The following PLEKHG4 variants were observed in gnomAD, a reference collection of about 807,000 sequenced individuals.
The protein encoded by PLEKHG4 is pleckstrin homology and RhoGEF domain containing G4.
A neutral mutation model predicts 136.9 loss-of-function variants in PLEKHG4; 85 were observed. That is an observed-to-expected ratio of 0.62 (90% CI 0.52 to 0.74). The LOEUF (loss-of-function observed/expected upper bound fraction) is 0.74. Among genes scored for constraint, PLEKHG4 ranks in the 30% least tolerant of loss-of-function variants. The pLI is 0.00. For synonymous variants in PLEKHG4, 577 were observed against 646.9 expected (o/e 0.89, Z 1.64); for missense variants, 1,317 against 1,527.8 (o/e 0.86, Z 2.30).
At position 67,286,820 on chromosome 16, in the gene PLEKHG4, C is replaced by T. The variant is rs201806432; in HGVS notation, c.2826C>T (p.Ser942=). 412 of 1,613,746 alleles carry T rather than the reference C, an allele frequency of 2.6e-4. No individual in the cohort carries two copies. Among genetic ancestry groups the T allele is most frequent in the South Asian group, 8.1e-4 (74 of 91,082 alleles). Residue 942 remains serine, a synonymous_variant, in exon 17 of 22, where the codon TCC becomes TCT. Coordinates refer to ENST00000379344, the MANE Select transcript of PLEKHG4 (RefSeq NM_001129729.3). ...EFVVRTGRHK[S]VRRIFLFEEL... is the part of the protein sequence containing the mutation. ...TGGTGCGCACTGGGCGCCACAAGTC[C>T]GTGCGCCGCATCTTCCTTTTTGAGG... is the stretch of plus-strand genomic sequence containing the variant.
intron 14 of PLEKHG4, among the ~76,000 whole-genome samples, chr16:67,285,812 G>A (rs2036443183): frequency 6.6e-6 from 1 of 152,216 alleles, no homozygotes; most frequent in African/African-American, 2.4e-5. Flanking sequence ...CCTGAGTGCG[G>A]TGCCAGGACA....
In PLEKHG4 at chr16:67,287,048, T is replaced by G; in HGVS notation, c.2974T>G (p.Phe992Val). 1.2e-6 allele frequency: 2 copies of G among 1,613,532 alleles called. No homozygotes were observed. The highest frequency in any genetic ancestry group is 8.5e-7 in the Non-Finnish European group (1 of 1,180,026). ...TECCGNSNLR[F>V]EIWFRRRKAR... ...GTGCTGTGGGAACAGCAACCTGCGC[T>G]TCGAGATCTGGTTCCGCCGCCGCAA... The change falls in exon 18 of 22, where the codon TTC becomes GTC. Residue 992 changes from phenylalanine to valine, a missense_variant. Physicochemically the swap from Phe to Val is conservative, Grantham distance 50 (BLOSUM62 -1). Coordinates refer to ENST00000379344, the MANE Select transcript of PLEKHG4 (RefSeq NM_001129729.3).
chr16:67,284,483 AG>A lies in PLEKHG4; in HGVS notation c.1692+27del. The A allele has an allele frequency of 6.2e-7, 1 of 1,611,256 alleles. No individual in the cohort carries two copies. Among genetic ancestry groups the A allele is most frequent in the Non-Finnish European group, 8.5e-7 (1 of 1,177,882 alleles). On this transcript the variant is annotated intron_variant, in intron 12 of 21. Coordinates refer to ENST00000379344, the MANE Select transcript of PLEKHG4 (RefSeq NM_001129729.3). This position sits in a 1 kb window ranked among gnomAD's most constrained non-coding sequence, Gnocchi z 4.4. ...GTGGGTGAGAGTCTCCCCAGCTCCAAGTGATCCATGAGGCCGGAGGGATGGC... is the reference window on the plus strand; with the variant it reads ...GTGGGTGAGAGTCTCCCCAGCTCCAATGATCCATGAGGCCGGAGGGATGGC...
Position 67,284,575 on chromosome 16 carries a change from A to G in PLEKHG4, c.1692+118A>G. The G allele has an allele frequency of 6.8e-7, 1 of 1,465,716 alleles. No individual in the cohort carries two copies. Among genetic ancestry groups the G allele is most frequent in the African/African-American group, 1.4e-5 (1 of 71,938 alleles). The allele number at this position is 1,465,716 out of a possible 1,614,324, so 90.8% of individuals were successfully genotyped here. A position where few individuals can be genotyped will look rare whatever the true frequency, so the allele number is the denominator to read the frequency against. ...CTGCCTGTTCTCTTCCCTGGTCTTC[A>G]GTTTGACCCTAAAACCCAGTCACTG... On this transcript the variant is annotated intron_variant, in intron 12 of 21. Transcript: ENST00000379344. The surrounding 1 kb of genome is among the most constrained non-coding windows in gnomAD (Gnocchi z 4.4).
intron 5 of PLEKHG4, 141 bp from the exon 6 acceptor site, chr16:67,281,426 T>C (rs761580321): frequency 5.7e-5 from 44 of 768,590 alleles, no homozygotes; most frequent in Non-Finnish European, 8.8e-5. Flanking sequence ...GGTTTCACCA[T>C]GTGTTGCCCA....
rs915308265 is a variant in PLEKHG4 at position 67,285,180 on chromosome 16, T to A, written c.2160T>A (p.Pro720=). 6.2e-7 allele frequency: 1 copy of A among 1,613,432 alleles called. No individual in the cohort carries two copies. The highest frequency in any genetic ancestry group is 1.3e-5 in the African/African-American group (1 of 74,926). ...GALPQASPTV[P]PPGSSDPRSL... ...TGCCCCAGGCATCCCCTACTGTGCCTCCACCAGGCAGCTCTGACCCCAGGA... is the reference window on the plus strand; with the variant it reads ...TGCCCCAGGCATCCCCTACTGTGCCACCACCAGGCAGCTCTGACCCCAGGA... Residue 720 remains proline (P), a synonymous_variant, in exon 13 of 22, where the codon CCT becomes CCA. Coordinates refer to ENST00000379344, the MANE Select transcript of PLEKHG4 (RefSeq NM_001129729.3).
Position 67,288,381 on chromosome 16 carries a change from G to A in PLEKHG4, c.3435G>A (p.Leu1145=), listed in dbSNP as rs1318990859. ...EEAALEAEAE[L]GGQPSLTAED... Reference sequence around the variant, plus strand: ...CAGCACTGGAGGCTGAGGCAGAGCTGGGCGGCCAGCCCTCTTTGAGTATGT... The same window carrying A: ...CAGCACTGGAGGCTGAGGCAGAGCTAGGCGGCCAGCCCTCTTTGAGTATGT... The change falls in exon 20 of 22, where the codon CTG becomes CTA. Residue 1145 remains leucine, a synonymous_variant. Transcript: ENST00000379344. 2.5e-6 allele frequency: 4 copies of A among 1,611,682 alleles called. No homozygotes were observed. Among genetic ancestry groups the A allele is most frequent in the Non-Finnish European group, 3.4e-6 (4 of 1,179,952 alleles).
Position 67,286,580 on chromosome 16 carries a change from G to T in PLEKHG4, c.2668G>T (p.Ala890Ser), listed in dbSNP as rs373669040. The T allele has an allele frequency of 1.9e-6, 3 of 1,560,576 alleles. No individual in the cohort carries two copies. The African/African-American group carries it at 4.1e-5, about 21-fold the overall frequency. Residue 890 changes from alanine (A) to serine (S), a missense_variant, in exon 16 of 22, where the codon GCG (alanine) becomes TCG (serine). Physicochemically the swap from Ala to Ser is moderately conservative, Grantham distance 99. Coordinates refer to ENST00000379344, the MANE Select transcript of PLEKHG4 (RefSeq NM_001129729.3). ...ACGGPTQELS[A>S]LREAQSLVHF... ...CGGGGGCCCCACGCAGGAGCTCAGT[G>T]CGCTGCGGGAGGCCCAGAGCCTTGT...
chr16:67,281,479 G>C, intron 5 of PLEKHG4, 88 bp from the exon 6 acceptor site: 1 of 1,108,242 alleles, frequency 9.0e-7, no homozygotes. Flanking sequence ...CTCCCGCCTC[G>C]CCTCCCAGAG....
Position 67,284,648 on chromosome 16 carries a change from G to A in PLEKHG4, c.1693-65G>A, listed in dbSNP as rs2036379907. The A allele has an allele frequency of 6.3e-7, 1 of 1,589,914 alleles. No individual in the cohort carries two copies. On this transcript the variant is annotated intron_variant, in intron 12 of 21. Coordinates refer to ENST00000379344, the MANE Select transcript of PLEKHG4 (RefSeq NM_001129729.3). The surrounding 1 kb of genome is among the most constrained non-coding windows in gnomAD (Gnocchi z 4.4). Reference sequence around the variant, plus strand: ...CTGTGGGGATGGGGAGTGGGTAGAGGAGCAGAGTGCCCAGCAGGCTTGGCA... The same window carrying A: ...CTGTGGGGATGGGGAGTGGGTAGAGAAGCAGAGTGCCCAGCAGGCTTGGCA...
At position 67,279,988 on chromosome 16, in the gene PLEKHG4, A is replaced by T; in HGVS notation, c.-57A>T. ...CTCGACTGTCTTCAGCGCGGTTCAC[A>T]CTGAGACCCAGCCCTCTCCCGCTGG... On this transcript the variant is annotated 5_prime_UTR_variant, in exon 2 of 22. Coordinates refer to ENST00000379344, the MANE Select transcript of PLEKHG4 (RefSeq NM_001129729.3). 7 of 1,576,368 alleles carry T rather than the reference A, an allele frequency of 4.4e-6. No individual in the cohort carries two copies.
At position 67,288,294 on chromosome 16, in the gene PLEKHG4, G is replaced by GTAC. The variant is rs1226496636; in HGVS notation, c.3349_3351dup (p.Tyr1117dup). 3 of 1,612,978 alleles carry GTAC rather than the reference G, an allele frequency of 1.9e-6. No individual in the cohort carries two copies. The highest frequency in any genetic ancestry group is 1.7e-6 in the Non-Finnish European group (2 of 1,179,980). Reference sequence around the variant, plus strand: ...TTCTGGGGTCCCTCAACCTGCACCTGTACAGAGACCCAGCTCTTCTGGGTC... The same window carrying GTAC: ...TTCTGGGGTCCCTCAACCTGCACCTGTACTACAGAGACCCAGCTCTTCTGGGTC... On this transcript the variant is annotated inframe_insertion, in exon 20 of 22. Transcript: ENST00000379344.
At chr16:67,285,777 G>T (rs1471077324) in intron 14 of PLEKHG4, among the ~76,000 whole-genome samples, 1 of 152,186 alleles carries the variant, frequency 6.6e-6, no homozygotes, top group South Asian at 2.1e-4. Context: ...AATTACTGGC[G>T]GGGCAGGGGC....
At chr16:67,281,223 T>C (rs1567433059) in intron 5 of PLEKHG4, 39 bp downstream of exon 5, 3 of 1,275,728 alleles carry the variant, frequency 2.4e-6, no homozygotes, top group Non-Finnish European at 3.3e-6. Context: ...TCCTTTTCTT[T>C]TCTTTTTTTT....
chr16:67,286,398 G>T, intron 15 of PLEKHG4, 35 bp downstream of exon 15: 1 of 1,607,168 alleles, frequency 6.2e-7, no homozygotes, highest in Non-Finnish European at 8.5e-7. Context: ...AGTAGGGGAT[G>T]CGGGGAGTGC....
Position 67,288,307 on chromosome 16 carries a change from G to A in PLEKHG4, c.3361G>A (p.Ala1121Thr), listed in dbSNP as rs2036581233. Residue 1121 changes from alanine (A) to threonine (T), a missense_variant, in exon 20 of 22, where the codon GCT (alanine) becomes ACT (threonine). Ala to Thr is a moderately conservative substitution (Grantham distance 58). Coordinates refer to ENST00000379344, the MANE Select transcript of PLEKHG4 (RefSeq NM_001129729.3). ...CAACCTGCACCTGTACAGAGACCCA[G>A]CTCTTCTGGGTCTCCGCTGTCCCCT... ...SLNLHLYRDP[A>T]LLGLRCPLYP... 1 of 1,612,590 alleles carries A rather than the reference G, an allele frequency of 6.2e-7. No individual in the cohort carries two copies. The highest frequency in any genetic ancestry group is 1.1e-5 in the South Asian group (1 of 91,090).
Position 67,284,601 on chromosome 16 carries a change from G to T in PLEKHG4, c.1693-112G>T. 1 of 1,488,946 alleles carries T rather than the reference G, an allele frequency of 6.7e-7. No individual in the cohort carries two copies. Among genetic ancestry groups the T allele is most frequent in the Non-Finnish European group, 9.2e-7 (1 of 1,084,596 alleles). 92.2% of individuals were successfully genotyped at this position (1,488,946 alleles called of 1,614,324 possible). ...GTTTGACCCTAAAACCCAGTCACTGGGGCTGTGTCCTGGACAGCATCCTGT... is the reference window on the plus strand; with the variant it reads ...GTTTGACCCTAAAACCCAGTCACTGTGGCTGTGTCCTGGACAGCATCCTGT... On this transcript the variant is annotated intron_variant, in intron 12 of 21. Coordinates refer to ENST00000379344, the MANE Select transcript of PLEKHG4 (RefSeq NM_001129729.3). This position sits in a 1 kb window ranked among gnomAD's most constrained non-coding sequence, Gnocchi z 4.4.
Position 67,280,502 on chromosome 16 carries a change from T to A in PLEKHG4, c.458T>A (p.Leu153His). ...PGALDSDPVG[L>H]GDPLSEISKL... ...GCATTGGACAGCGACCCTGTGGGCC[T>A]TGGAGACCCTTTATCAGAAATATCA... The change falls in exon 2 of 22, where the codon CTT becomes CAT. Residue 153 changes from leucine (L) to histidine (H), a missense_variant. Physicochemically the swap from Leu to His is moderately conservative, Grantham distance 99. Coordinates refer to ENST00000379344, the MANE Select transcript of PLEKHG4 (RefSeq NM_001129729.3). This position sits in a 1 kb window ranked among gnomAD's most constrained non-coding sequence, Gnocchi z 4.4. 12 of 1,610,004 alleles carry A rather than the reference T, an allele frequency of 7.5e-6. No homozygotes were observed. Among genetic ancestry groups the A allele is most frequent in the Non-Finnish European group, 1.0e-5 (12 of 1,178,418 alleles).
At chr16:67,283,245 G>A (rs1478716389) in intron 11 of PLEKHG4, among the ~76,000 whole-genome samples, 2 of 152,086 alleles carry the variant, frequency 1.3e-5, no homozygotes, top group African/African-American at 2.4e-5. Flanking sequence ...GATGGAGGAC[G>A]GTGTGCCTGA....
Sources: allele counts gnomAD v4.1 joint callset (sites outside exome capture counted in the v4.1 genomes callset), GRCh38; gene constraint gnomAD v4.1.1; non-coding constraint Gnocchi (gnomAD v3.1); transcripts MANE v1.5; gene names NCBI Gene and HGNC (gene_info 2026-07-23, HGNC 2026-07-21).